The following SGCZ variants were observed in gnomAD, a reference collection of about 807,000 sequenced individuals.
SGCZ encodes sarcoglycan zeta.
A neutral mutation model predicts 41.3 loss-of-function variants in SGCZ; 40 were observed. The ratio of observed to expected loss-of-function variants is 0.97; its 90% CI spans 0.75 to 1.26. The LOEUF (loss-of-function observed/expected upper bound fraction) is 1.26. Ranked by LOEUF, SGCZ falls within the 50% of genes most tolerant of loss-of-function variation. The probability of loss-of-function intolerance (pLI) is 0.00; values close to 1 mark genes in which losing one functional copy is unlikely to be tolerated. For synonymous variants in SGCZ, 206 were observed against 137.5 expected (o/e 1.50, Z -3.49); for missense variants, 552 against 369.8 (o/e 1.49, Z -4.04).
At chr8:14,440,688 C>G (rs541027705) in intron 2 of SGCZ, among the ~76,000 whole-genome samples, 1 of 56,996 alleles carries the variant, frequency 1.8e-5, no homozygotes, top group Non-Finnish European at 4.2e-5. Flanking sequence ...CATACGTATA[C>G]ACGTATATGT....
chr8:14,237,442 A>G, intron 4 of SGCZ, 150 bp downstream of exon 4: 1 of 670,108 alleles, frequency 1.5e-6, no homozygotes, highest in South Asian at 2.0e-5. Flanking sequence ...TCAGCCTCCC[A>G]AAGTGCACTC....
At chr8:15,206,638 G>A (rs1389597668) in intron 1 of SGCZ, among the ~76,000 whole-genome samples, 7 of 152,078 alleles carry the variant, frequency 4.6e-5, no homozygotes, top group South Asian at 2.1e-4. Context: ...CAGTAGAGAC[G>A]GTGTTTCACC....
chr8:14,319,978 C>G (rs1304759883), intron 3 of SGCZ, among the ~76,000 whole-genome samples: 1 of 151,780 alleles, frequency 6.6e-6, no homozygotes, highest in Non-Finnish European at 1.5e-5. Context: ...CAGCCATTTC[C>G]TAATTTATTT....
chr8:14,231,004 A>G (rs1330051308), intron 4 of SGCZ, among the ~76,000 whole-genome samples: 1 of 152,110 alleles, frequency 6.6e-6, no homozygotes, highest in African/African-American at 2.4e-5. Flanking sequence ...TTTAAAAAAT[A>G]TATCCAGACT....
intron 1 of SGCZ, among the ~76,000 whole-genome samples, chr8:15,159,669 G>C (rs564985783): frequency 7.3e-5 from 11 of 150,706 alleles, no homozygotes; most frequent in African/African-American, 2.4e-4. Context: ...AGTGGTGTGA[G>C]AACAGAGGAA....
chr8:14,316,965 A>T (rs2117013958), intron 3 of SGCZ, among the ~76,000 whole-genome samples: 1 of 151,956 alleles, frequency 6.6e-6, no homozygotes, highest in East Asian at 1.9e-4. Context: ...CCACCCCTAC[A>T]TTCCCAATTC....
chr8:14,702,952 GATAGATA>G (rs1809213769), intron 1 of SGCZ, among the ~76,000 whole-genome samples: 2 of 137,936 alleles, frequency 1.4e-5, no homozygotes, highest in Non-Finnish European at 3.1e-5. Flanking sequence ...TAGATAGATA[GATAGATA>G]GATAGATAGA....
chr8:14,146,292 A>C (rs1360185685), intron 5 of SGCZ, among the ~76,000 whole-genome samples: 1 of 152,194 alleles, frequency 6.6e-6, no homozygotes, highest in Non-Finnish European at 1.5e-5. Flanking sequence ...GACATATCTC[A>C]AGTGCTGAAG....
At chr8:14,127,106 T>A (rs974589514) in intron 5 of SGCZ, among the ~76,000 whole-genome samples, 5 of 152,188 alleles carry the variant, frequency 3.3e-5, no homozygotes, top group African/African-American at 1.2e-4. Context: ...TTACATGGTT[T>A]ACCTATGTAA....
intron 2 of SGCZ, among the ~76,000 whole-genome samples, chr8:14,489,229 G>A (rs533892488): frequency 4.0e-5 from 6 of 151,778 alleles, no homozygotes; most frequent in African/African-American, 7.3e-5. Context: ...AAATTAGAAC[G>A]GGAACAACGA....
At chr8:15,183,724 C>T (rs1585649664) in intron 1 of SGCZ, among the ~76,000 whole-genome samples, 1 of 152,166 alleles carries the variant, frequency 6.6e-6, no homozygotes, top group Non-Finnish European at 1.5e-5. Context: ...ACCGGGATAG[C>T]TTTCCCAACT....
intron 1 of SGCZ, among the ~76,000 whole-genome samples, chr8:14,964,541 T>TG (rs1197873331): frequency 6.6e-6 from 1 of 152,202 alleles, no homozygotes; most frequent in Non-Finnish European, 1.5e-5. Flanking sequence ...GATCACCACT[T>TG]GCTGGAGAGG....
intron 1 of SGCZ, among the ~76,000 whole-genome samples, chr8:14,961,145 T>C (rs1393947654): frequency 1.3e-5 from 2 of 152,132 alleles, no homozygotes; most frequent in Non-Finnish European, 2.9e-5. Flanking sequence ...TTTTAGCCTA[T>C]GGGTACTTTT....
chr8:14,465,230 A>G (rs1801015940), intron 2 of SGCZ, among the ~76,000 whole-genome samples: 2 of 151,288 alleles, frequency 1.3e-5, no homozygotes, highest in African/African-American at 4.8e-5. Flanking sequence ...CTTTTGCCTC[A>G]TATGTTTTGA....
intron 2 of SGCZ, among the ~76,000 whole-genome samples, chr8:14,424,906 T>C (rs541071527): frequency 2.0e-5 from 3 of 152,202 alleles, no homozygotes; most frequent in Non-Finnish European, 4.4e-5. Flanking sequence ...TAATATGTAT[T>C]ATCAGTTTAG....
At chr8:14,572,100 T>A (rs1193936938) in intron 1 of SGCZ, among the ~76,000 whole-genome samples, 1 of 152,210 alleles carries the variant, frequency 6.6e-6, no homozygotes, top group Non-Finnish European at 1.5e-5. Flanking sequence ...CATTAAATTG[T>A]TTTCATGATA....
intron 1 of SGCZ, among the ~76,000 whole-genome samples, chr8:14,990,409 T>C (rs1233807518): frequency 6.6e-6 from 1 of 152,148 alleles, no homozygotes; most frequent in Non-Finnish European, 1.5e-5. Flanking sequence ...AAGCTGCATC[T>C]GTACTTTCAG....
chr8:14,236,639 C>A (rs563967103), intron 4 of SGCZ, among the ~76,000 whole-genome samples: 1 of 151,110 alleles, frequency 6.6e-6, no homozygotes, highest in Non-Finnish European at 1.5e-5. Context: ...TTTCTCTTTC[C>A]CTCTTTCTCA....
chr8:14,137,052 C>T (rs996769550), intron 5 of SGCZ, among the ~76,000 whole-genome samples: 16 of 152,202 alleles, frequency 1.1e-4, no homozygotes, highest in African/African-American at 3.6e-4. Context: ...TGGACCTCCA[C>T]TAAACTCCAA....
Sources: gnomAD v4.1 joint callset for allele counts (sites outside exome capture counted in the v4.1 genomes callset) on GRCh38, gnomAD v4.1.1 for gene constraint, MANE v1.5 for transcripts, NCBI Gene and HGNC (gene_info 2026-07-23, HGNC 2026-07-21) for gene names.